The following TAFA2 variants were observed in gnomAD, a reference collection of about 807,000 sequenced individuals.
TAFA2 encodes the protein TAFA chemokine like family member 2.
TAFA2 carries 7 observed loss-of-function variants against 18.8 expected under a neutral mutation model. That is an observed-to-expected ratio of 0.37 (90% CI 0.21 to 0.70). The LOEUF (loss-of-function observed/expected upper bound fraction) is 0.70. Ranked by LOEUF, TAFA2 falls within the 30% of genes least tolerant of loss-of-function variation. The pLI, the probability that TAFA2 is intolerant of heterozygous loss-of-function variation, is 0.53. For synonymous variants in TAFA2, 60 were observed against 54.2 expected, an observed-to-expected ratio of 1.11 and a Z score of -0.47; for missense variants, 122 against 158.1, an observed-to-expected ratio of 0.77 and a Z score of 1.23.
At chr12:62,031,449 C>T (rs573637650) in intron 1 of TAFA2, among the ~76,000 whole-genome samples, 1 of 151,858 alleles carries the variant, frequency 6.6e-6, no homozygotes, top group Non-Finnish European at 1.5e-5. Flanking sequence ...TGTGGGACCC[C>T]GTGATCATGT....
At chr12:62,174,272 C>T (rs1367901888) in intron 1 of TAFA2, among the ~76,000 whole-genome samples, 1 of 151,992 alleles carries the variant, frequency 6.6e-6, no homozygotes, top group East Asian at 1.9e-4. Flanking sequence ...GCTGGGATTG[C>T]ACCACTGCCC....
At chr12:61,762,717 TA>T (rs1869611862) in intron 2 of TAFA2, among the ~76,000 whole-genome samples, 1 of 151,650 alleles carries the variant, frequency 6.6e-6, no homozygotes, top group Admixed American at 6.6e-5. Context: ...ACATCAAATC[TA>T]CAAAAGAGAG....
At chr12:62,041,481 T>C (rs1037465891) in intron 1 of TAFA2, among the ~76,000 whole-genome samples, 12 of 152,146 alleles carry the variant, frequency 7.9e-5, no homozygotes, top group African/African-American at 2.9e-4. Flanking sequence ...ATTTCTCTTA[T>C]CTAGGACATT....
At position 62,182,409 on chromosome 12, in the gene TAFA2, G is replaced by C. The variant is rs77950583; in HGVS notation, c.-2+8850C>G. ...AGGGAGAAACCTGTCAAAGGGGTAAGAGTTGAAGGCTTCCCACCTTTTCGA... is the reference window on the plus strand; with the variant it reads ...AGGGAGAAACCTGTCAAAGGGGTAACAGTTGAAGGCTTCCCACCTTTTCGA... On this transcript the variant is annotated intron_variant, in intron 1 of 4. Coordinates refer to ENST00000416284, the MANE Select transcript of TAFA2 (RefSeq NM_178539.5). 8.6e-3 allele frequency among the ~76,000 whole-genome samples: 1,317 copies of C among 152,324 alleles called. 6 individuals carry two copies. The highest frequency in any genetic ancestry group is 0.02 in the Middle Eastern group (6 of 294).
chr12:61,934,194 A>C (rs1480561046), intron 1 of TAFA2, among the ~76,000 whole-genome samples: 1 of 152,216 alleles, frequency 6.6e-6, no homozygotes, highest in Non-Finnish European at 1.5e-5. Flanking sequence ...GCTGCACAGC[A>C]CAAGACTGTC....
At chr12:62,118,229 G>T (rs1041711394) in intron 1 of TAFA2, among the ~76,000 whole-genome samples, 2 of 151,866 alleles carry the variant, frequency 1.3e-5, no homozygotes, top group African/African-American at 4.8e-5. Flanking sequence ...TCTATAAAAT[G>T]GTATCATTAA....
At chr12:61,856,115 A>G (rs1022670892) in intron 2 of TAFA2, among the ~76,000 whole-genome samples, 1 of 152,026 alleles carries the variant, frequency 6.6e-6, no homozygotes, top group Non-Finnish European at 1.5e-5. Context: ...AAGGGTAAAG[A>G]AACTATCTTA....
chr12:62,098,014 A>G (rs1267750412), intron 1 of TAFA2, among the ~76,000 whole-genome samples: 4 of 152,172 alleles, frequency 2.6e-5, no homozygotes, highest in Non-Finnish European at 5.9e-5. Context: ...GTGACAATAT[A>G]TATAACTTTA....
chr12:61,947,945 A>G (rs1878336860), intron 1 of TAFA2, among the ~76,000 whole-genome samples: 1 of 152,124 alleles, frequency 6.6e-6, no homozygotes, highest in South Asian at 2.1e-4. Context: ...ACTTTATGGA[A>G]ACTCCCATTT....
chr12:61,714,662 T>C (rs1869565173), intron 4 of TAFA2, among the ~76,000 whole-genome samples: 2 of 152,234 alleles, frequency 1.3e-5, no homozygotes, highest in Non-Finnish European at 2.9e-5. Context: ...CTCAATTATT[T>C]ATACAGTTTC....
At chr12:62,247,029 TA>T (rs2062889970) in intron 1 of TAFA2, among the ~76,000 whole-genome samples, 1 of 152,198 alleles carries the variant, frequency 6.6e-6, no homozygotes, top group Non-Finnish European at 1.5e-5. Flanking sequence ...TACAATCTTA[TA>T]TATATGTTTT....
intron 1 of TAFA2, among the ~76,000 whole-genome samples, chr12:61,892,961 G>A (rs1392060736): frequency 2.0e-5 from 3 of 152,154 alleles, no homozygotes; most frequent in African/African-American, 7.2e-5. Context: ...TAACTTAAAT[G>A]CTATATTTTT....
chr12:61,825,177 C>T (rs1240577013), intron 2 of TAFA2, among the ~76,000 whole-genome samples: 1 of 152,002 alleles, frequency 6.6e-6, no homozygotes, highest in Non-Finnish European at 1.5e-5. Flanking sequence ...AGCAAAAGTA[C>T]AGAACATAGT....
At chr12:62,145,878 C>T (rs182486121) in intron 1 of TAFA2, among the ~76,000 whole-genome samples, 1 of 152,342 alleles carries the variant, frequency 6.6e-6, no homozygotes, top group Non-Finnish European at 1.5e-5. Flanking sequence ...TGTTATACCC[C>T]ACAGCCTTTT....
At chr12:61,993,170 T>A (rs1217575681) in intron 1 of TAFA2, among the ~76,000 whole-genome samples, 4 of 152,182 alleles carry the variant, frequency 2.6e-5, no homozygotes, top group Non-Finnish European at 5.9e-5. Context: ...CTGATGTCCT[T>A]ACCATGTCCA....
chr12:62,048,854 G>A (rs1881977218), intron 1 of TAFA2, among the ~76,000 whole-genome samples: 1 of 152,162 alleles, frequency 6.6e-6, no homozygotes, highest in Non-Finnish European at 1.5e-5. Context: ...TATTTCAGCT[G>A]AGTACTGCAT....
intron 1 of TAFA2, among the ~76,000 whole-genome samples, chr12:62,142,518 T>C (rs1348003241): frequency 2.0e-5 from 3 of 152,274 alleles, no homozygotes; most frequent in African/African-American, 7.2e-5. Flanking sequence ...AAAAACATAC[T>C]ACCACAGTGA....
chr12:62,028,175 G>T (rs1191447796), intron 1 of TAFA2, among the ~76,000 whole-genome samples: 1 of 152,150 alleles, frequency 6.6e-6, no homozygotes. Flanking sequence ...ACTATAACAA[G>T]TTCTCAAGGA....
rs778971025 is a variant in TAFA2 at position 61,753,788 on chromosome 12, G to A, written c.260-42C>T. On this transcript the variant is annotated intron_variant, in intron 3 of 4. Transcript: ENST00000416284. ...AAATTGACTCAACATTTTTTTCTTG[G>A]GACTTATTTCTCTTGTTCACCTTTA... 3.1e-5 allele frequency: 49 copies of A among 1,573,842 alleles called. No individual in the cohort carries two copies. The South Asian group carries it at 5.3e-4, about 17-fold the overall frequency.
Sources: allele counts gnomAD v4.1 joint callset (sites outside exome capture counted in the v4.1 genomes callset), GRCh38; gene constraint gnomAD v4.1.1; transcripts MANE v1.5; gene names NCBI Gene and HGNC (gene_info 2026-07-23, HGNC 2026-07-21).